BTD: variants seen among roughly 807,000 people sequenced by gnomAD.
BTD encodes the protein biocytinase.
In BTD, 13 loss-of-function variants were observed where a neutral mutation model predicts 17.7. The ratio of observed to expected loss-of-function variants is 0.74; its 90% confidence interval spans 0.48 to 1.17. The LOEUF (loss-of-function observed/expected upper bound fraction) is 1.17, where lower values mean the gene tolerates loss of function less well. BTD is among the 50% of genes most tolerant of loss of function. The probability of loss-of-function intolerance (pLI) is 0.00; values close to 1 mark genes in which losing one functional copy is unlikely to be tolerated. For synonymous variants in BTD, 240 were observed against 245.2 expected, an observed-to-expected ratio of 0.98 and a Z score of 0.20; for missense variants, 674 against 650.4, an observed-to-expected ratio of 1.04 and a Z score of -0.39.
intron 3 of BTD, chr3:15,685,242 G>C: frequency 4.3e-6 from 7 of 1,613,956 alleles, no homozygotes; most frequent in Non-Finnish European, 5.9e-6. Context: ...AGCAAGCCCA[G>C]TGAAGTGCCG....
intron 1 of BTD, chr3:15,630,188 C>G: frequency 8.4e-6 from 5 of 598,656 alleles, no homozygotes; most frequent in Non-Finnish European, 1.0e-5. Context: ...TCTTGTTTAA[C>G]TGTAAAAGAG....
chr3:15,690,089 T>G (rs2068608273), intron 3 of BTD: 1 of 1,612,398 alleles, frequency 6.2e-7, no homozygotes, highest in Non-Finnish European at 8.5e-7. Context: ...GATTAATGAG[T>G]ACATCCACAC....
intron 3 of BTD, among the ~76,000 whole-genome samples, chr3:15,693,246 T>C (rs557330277): frequency 6.6e-6 from 1 of 152,204 alleles, no homozygotes; most frequent in African/African-American, 2.4e-5. Flanking sequence ...GAAGGTACGT[T>C]TTATGCTATG....
At chr3:15,623,826 C>T (rs1240882690) in intron 1 of BTD, among the ~76,000 whole-genome samples, 2 of 152,200 alleles carry the variant, frequency 1.3e-5, no homozygotes, top group East Asian at 3.8e-4. Flanking sequence ...GCTTGCTTCC[C>T]CTTTGCCCTT....
At chr3:15,632,159 C>T (rs756622527) in intron 1 of BTD, among the ~76,000 whole-genome samples, 1 of 152,190 alleles carries the variant, frequency 6.6e-6, no homozygotes, top group Non-Finnish European at 1.5e-5. Flanking sequence ...ACCCTCTCAT[C>T]GAGGTCTTCC....
chr3:15,609,284 C>A (rs749778268), intron 1 of BTD, among the ~76,000 whole-genome samples: 1 of 152,190 alleles, frequency 6.6e-6, no homozygotes, highest in Non-Finnish European at 1.5e-5. Context: ...TATAATGAAA[C>A]CCCCGTGTGT....
chr3:15,614,602 T>C (rs950913779), intron 1 of BTD, among the ~76,000 whole-genome samples: 3 of 150,028 alleles, frequency 2.0e-5, no homozygotes, highest in Non-Finnish European at 4.5e-5. Flanking sequence ...CTTTTTCTTT[T>C]TTTTTTTTTT....
chr3:15,721,211 CAA>C, intron 4 of BTD: 2 of 1,111,096 alleles, frequency 1.8e-6, no homozygotes, highest in Non-Finnish European at 2.6e-6. Context: ...CCTGTGGTTG[CAA>C]TCAAATTACT....
intron 1 of BTD, among the ~76,000 whole-genome samples, chr3:15,608,593 C>G (rs1221262071): frequency 6.6e-6 from 1 of 152,068 alleles, no homozygotes; most frequent in Non-Finnish European, 1.5e-5. Flanking sequence ...TGGTGAAACC[C>G]CGTCTCTACT....
intron 3 of BTD, among the ~76,000 whole-genome samples, chr3:15,689,025 C>G (rs1409976326): frequency 6.6e-6 from 1 of 152,222 alleles, no homozygotes; most frequent in Non-Finnish European, 1.5e-5. Context: ...TAGATTATTA[C>G]ATAAACCCAA....
At chr3:15,620,461 A>G (rs1249139455) in intron 1 of BTD, among the ~76,000 whole-genome samples, 1 of 152,148 alleles carries the variant, frequency 6.6e-6, no homozygotes, top group East Asian at 1.9e-4. Flanking sequence ...TTTTAGCCCA[A>G]CCCCACAGGC....
At chr3:15,644,070 G>A (rs909944897) in intron 3 of BTD, among the ~76,000 whole-genome samples, 28 of 151,412 alleles carry the variant, frequency 1.8e-4, no homozygotes, top group Non-Finnish European at 2.5e-4. Context: ...GCGCGATCTC[G>A]GCTCACTGCA....
chr3:15,720,951 C>A (rs1255155291), intron 4 of BTD: 1 of 1,613,704 alleles, frequency 6.2e-7, no homozygotes, highest in Non-Finnish European at 8.5e-7. Flanking sequence ...CAACTAGAAG[C>A]TCTAAACACA....
At chr3:15,618,085 A>T (rs1360713994) in intron 1 of BTD, among the ~76,000 whole-genome samples, 1 of 152,218 alleles carries the variant, frequency 6.6e-6, no homozygotes, top group Admixed American at 6.5e-5. Flanking sequence ...TCTGCTGAAT[A>T]GCCAGGACTA....
At chr3:15,677,006 G>GT (rs1351369447) in intron 3 of BTD, 1 of 1,612,738 alleles carries the variant, frequency 6.2e-7, no homozygotes, top group Non-Finnish European at 8.5e-7. Context: ...CATTGATGAG[G>GT]TTTCTATCTG....
At chr3:15,675,627 A>AAT (rs563210092) in intron 3 of BTD, among the ~76,000 whole-genome samples, 87 of 152,346 alleles carry the variant, frequency 5.7e-4, no homozygotes, top group African/African-American at 1.9e-3. Context: ...GAAAGAACAA[A>AAT]ATCTTTGGCT....
At chr3:15,664,434 A>G (rs578253184) in intron 3 of BTD, among the ~76,000 whole-genome samples, 1 of 152,250 alleles carries the variant, frequency 6.6e-6, no homozygotes, top group Non-Finnish European at 1.5e-5. Context: ...CTACAGCTGA[A>G]CAGTGAAAAA....
At chr3:15,614,227 A>G (rs1211061651) in intron 1 of BTD, among the ~76,000 whole-genome samples, 1 of 151,282 alleles carries the variant, frequency 6.6e-6, no homozygotes, top group Non-Finnish European at 1.5e-5. Flanking sequence ...GGGCTCAAGC[A>G]ATCCTACCAC....
downstream of BTD, among the ~76,000 whole-genome samples, chr3:15,716,963 C>A (rs759691259): frequency 6.6e-6 from 1 of 152,058 alleles, no homozygotes; most frequent in Non-Finnish European, 1.5e-5. Context: ...TTCTGTCTCC[C>A]CATCTCCCTT....
Sources: allele counts gnomAD v4.1 joint callset (sites outside exome capture counted in the v4.1 genomes callset), GRCh38; gene constraint gnomAD v4.1.1; transcripts MANE v1.5; gene names NCBI Gene and HGNC (gene_info 2026-07-23, HGNC 2026-07-21).